The following DCAF16 variants were observed in gnomAD, a reference collection of about 807,000 sequenced individuals.
DCAF16 encodes DDB1 and CUL4 associated factor 16, also known as DDB1- and CUL4-associated factor 16.
In DCAF16, 10 loss-of-function variants were observed where a neutral mutation model predicts 17.3. The ratio of observed to expected loss-of-function variants is 0.58; its 90% CI spans 0.36 to 0.98. The LOEUF (loss-of-function observed/expected upper bound fraction) is 0.98. Ranked by LOEUF, DCAF16 falls within the 50% of genes least tolerant of loss-of-function variation. The probability of loss-of-function intolerance (pLI) is 0.01; values close to 1 mark genes in which losing one functional copy is unlikely to be tolerated. For missense variants in DCAF16, 249 were observed against 247.6 expected (o/e 1.01, Z -0.04); for synonymous variants, 111 against 92.8 (o/e 1.20, Z -1.12).
At position 17,803,821 on chromosome 4, in the gene DCAF16, C is replaced by T; in HGVS notation, c.321G>A (p.Leu107=). The T allele has an allele frequency of 1.2e-6, 2 of 1,614,160 alleles. No individual in the cohort carries two copies. Among genetic ancestry groups the T allele is most frequent in the Non-Finnish European group, 1.7e-6 (2 of 1,180,030 alleles). ...GAGGGGGCCATTCAGGAATTGGTTC[C>T]AGTTTGGGGACACAATGGGAACAAT... The part of the protein sequence containing the change: ...LSHCSHCVPK[L]EPIPEWPPLA... Residue 107 remains leucine (L), a synonymous_variant, in exon 3 of 3, where the codon CTG becomes CTA. Coordinates refer to ENST00000382247, the MANE Select transcript of DCAF16 (RefSeq NM_017741.4).
downstream of DCAF16, among the ~76,000 whole-genome samples, chr4:17,796,932 G>A (rs983810992): frequency 6.6e-6 from 1 of 152,110 alleles, no homozygotes; most frequent in Non-Finnish European, 1.5e-5. Flanking sequence ...TCAACTATGT[G>A]TGAGCCTTCC....
At chr4:17,797,166 T>C (rs186899220), downstream of DCAF16, among the ~76,000 whole-genome samples, 45 of 152,136 alleles carry the variant, frequency 3.0e-4, no homozygotes, top group East Asian at 4.6e-3. Context: ...AAACAACACA[T>C]ACTGGAAAGA....
At chr4:17,799,343 C>T (rs1007366682), downstream of DCAF16, among the ~76,000 whole-genome samples, 51 of 152,118 alleles carry the variant, frequency 3.4e-4, no homozygotes, top group African/African-American at 1.2e-3. Context: ...TGACCCTAGA[C>T]AGCAGAAATG....
At position 17,804,287 on chromosome 4, in the gene DCAF16, GCT is replaced by G; in HGVS notation, c.-148_-147del. 1.5e-6 allele frequency: 1 copy of G among 683,056 alleles called. No homozygotes were observed. Among genetic ancestry groups the G allele is most frequent in the Non-Finnish European group, 2.5e-6 (1 of 397,252 alleles). 42.3% of individuals were successfully genotyped at this position (683,056 alleles called of 1,614,324 possible). On this transcript the variant is annotated 5_prime_UTR_variant, in exon 3 of 3. The change abolishes the stop of an existing upstream ORF in the 5' untranslated region. Coordinates refer to ENST00000382247, the MANE Select transcript of DCAF16 (RefSeq NM_017741.4). The stretch of plus-strand genomic sequence containing the variant: ...TCAGTCCGTTACACACATAAAGTAT[GCT>G]TGTGGCCCATACCACTGTGCCGTTC...
At chr4:17,799,311 T>C (rs1265386750), downstream of DCAF16, among the ~76,000 whole-genome samples, 1 of 152,164 alleles carries the variant, frequency 6.6e-6, no homozygotes, top group Non-Finnish European at 1.5e-5. Context: ...ACATATGGAT[T>C]AGGGTTTAGG....
intron 1 of DCAF16, among the ~76,000 whole-genome samples, chr4:17,808,541 T>C (rs1720533505): frequency 6.6e-6 from 1 of 151,892 alleles, no homozygotes; most frequent in Non-Finnish European, 1.5e-5. Context: ...TTTGAAAAAA[T>C]ATTTTCAGAT....
chr4:17,804,283 G>A lies in DCAF16; in HGVS notation c.-142C>T, dbSNP rs1720104026. 5.8e-6 allele frequency: 4 copies of A among 693,336 alleles called. No individual in the cohort carries two copies. The South Asian group carries it at 7.7e-5, about 13-fold the overall frequency. The allele number at this position is 693,336 out of a possible 1,614,324, so 42.9% of individuals were successfully genotyped here. On this transcript the variant is annotated 5_prime_UTR_variant, in exon 3 of 3. Transcript: ENST00000382247. Reference sequence around the variant, plus strand: ...TCTTTCAGTCCGTTACACACATAAAGTATGCTTGTGGCCCATACCACTGTG... The same window carrying A: ...TCTTTCAGTCCGTTACACACATAAAATATGCTTGTGGCCCATACCACTGTG...
intron 1 of DCAF16, among the ~76,000 whole-genome samples, chr4:17,808,445 T>C (rs1720525188): frequency 6.6e-6 from 1 of 152,218 alleles, no homozygotes; most frequent in Non-Finnish European, 1.5e-5. Flanking sequence ...CCCATAATTG[T>C]TTTTGTTCTG....
At chr4:17,795,280 C>T in the DCAF16 span, among the ~76,000 whole-genome samples, 17 of 152,266 alleles carry the variant, frequency 1.1e-4, no homozygotes, top group African/African-American at 3.6e-4. Flanking sequence ...TAACTTTCTC[C>T]GCTACATTTA....
rs746872223 is a variant in DCAF16, at chr4:17,803,721, G to C, written c.421C>G (p.Leu141Val). The C allele has an allele frequency of 6.2e-7, 1 of 1,614,188 alleles. No individual in the cohort carries two copies. Among genetic ancestry groups the C allele is most frequent in the Non-Finnish European group, 8.5e-7 (1 of 1,180,034 alleles). Residue 141 changes from leucine to valine, a missense_variant, in exon 3 of 3, where the codon CTA (leucine) becomes GTA (valine). Physicochemically the swap from Leu to Val is conservative, Grantham distance 32 (BLOSUM62 1). Coordinates refer to ENST00000382247, the MANE Select transcript of DCAF16 (RefSeq NM_017741.4). The stretch of plus-strand genomic sequence containing the variant: ...GTGGCAAATTGCAGTGCTCCATTTA[G>C]AGTGGCATGATCTCTAGAGAGCCGG... ...PSRLSRDHAT[L>V]NGALQFATKQ... is the part of the protein sequence containing the mutation.
intron 1 of DCAF16, among the ~76,000 whole-genome samples, chr4:17,806,107 T>C (rs943059296): frequency 7.2e-5 from 11 of 152,216 alleles, no homozygotes; most frequent in Non-Finnish European, 1.0e-4. Flanking sequence ...TTGGAAGAGA[T>C]AAAACTATTA....
intron 1 of DCAF16, among the ~76,000 whole-genome samples, chr4:17,807,508 A>C (rs1166161843): frequency 6.6e-6 from 1 of 152,222 alleles, no homozygotes; most frequent in Non-Finnish European, 1.5e-5. Context: ...TCGGAAGAAC[A>C]GTCCGGCAGC....
In DCAF16 at chr4:17,800,666, C is replaced by G. The variant is rs1305021806; in HGVS notation, c.*2825G>C. On this transcript the variant is annotated 3_prime_UTR_variant, in exon 3 of 3. Transcript: ENST00000382247. ...ATGACCATACTCTGTTCAGCATGTA[C>G]AAAGCTATTGGTTTATTCAGCTGCC... 6.6e-6 allele frequency: 1 copy of G among 152,588 alleles called. No individual in the cohort carries two copies. The highest frequency in any genetic ancestry group is 6.5e-5 in the Admixed American group (1 of 15,270). The allele number at this position is 152,588 out of a possible 1,614,324, so 9.5% of individuals were successfully genotyped here. A position where few individuals can be genotyped will look rare whatever the true frequency, so the allele number is the denominator to read the frequency against.
At position 17,803,538 on chromosome 4, in the gene DCAF16, T is replaced by C. The variant is rs374965038; in HGVS notation, c.604A>G (p.Thr202Ala). The change falls in exon 3 of 3, where the codon ACT (threonine) becomes GCT (alanine). Residue 202 changes from threonine (T) to alanine (A), a missense_variant. Transcript: ENST00000382247. The part of the protein sequence containing the change: ...TEPINTTYSY[T>A]DFQKAVNKLL... Reference sequence around the variant, plus strand: ...TTGTTAACTGCCTTTTGGAAGTCAGTGTAAGAATAAGTAGTGTTGATGGGT... The same window carrying C: ...TTGTTAACTGCCTTTTGGAAGTCAGCGTAAGAATAAGTAGTGTTGATGGGT... 1 of 1,614,152 alleles carries C rather than the reference T, an allele frequency of 6.2e-7. No homozygotes were observed. Among genetic ancestry groups the C allele is most frequent in the Non-Finnish European group, 8.5e-7 (1 of 1,180,002 alleles).
intron 1 of DCAF16, among the ~76,000 whole-genome samples, chr4:17,806,528 AATC>A (rs1309855849): frequency 6.6e-6 from 1 of 152,252 alleles, no homozygotes; most frequent in African/African-American, 2.4e-5. Context: ...CCTAGGAACT[AATC>A]ATGAATATGT....
At chr4:17,796,751 G>A (rs1013113158), downstream of DCAF16, among the ~76,000 whole-genome samples, 3 of 152,112 alleles carry the variant, frequency 2.0e-5, no homozygotes, top group Non-Finnish European at 4.4e-5. Context: ...TGTTGAGACA[G>A]CATTTAAAAA....
chr4:17,796,067 T>C (rs1719412300), downstream of DCAF16, among the ~76,000 whole-genome samples: 1 of 152,222 alleles, frequency 6.6e-6, no homozygotes, highest in African/African-American at 2.4e-5. Context: ...ATCCTCCCCC[T>C]GTCCTCAGTT....
rs951382474 is a variant in DCAF16, at chr4:17,801,356, T to G, written c.*2135A>C. The G allele has an allele frequency of 5.3e-5, 8 of 152,200 alleles. 1 individual carries two copies. The highest frequency in any genetic ancestry group is 1.7e-4 in the African/African-American group (7 of 41,444). The allele number at this position is 152,200 out of a possible 1,614,324, so 9.4% of individuals were successfully genotyped here. Reference sequence around the variant, plus strand: ...GTTGGCCAGGCTGGTCACGAACTCCTGATCTCAAGTGATCCACCTGCCCTC... The same window carrying G: ...GTTGGCCAGGCTGGTCACGAACTCCGGATCTCAAGTGATCCACCTGCCCTC... On this transcript the variant is annotated 3_prime_UTR_variant, in exon 3 of 3. Coordinates refer to ENST00000382247, the MANE Select transcript of DCAF16 (RefSeq NM_017741.4).
chr4:17,797,178 T>C (rs546373958), downstream of DCAF16, among the ~76,000 whole-genome samples: 3 of 151,952 alleles, frequency 2.0e-5, no homozygotes, highest in African/African-American at 7.2e-5. Context: ...CTGGAAAGAG[T>C]CAAGACAGTT....
Sources: allele counts gnomAD v4.1 joint callset (sites outside exome capture counted in the v4.1 genomes callset), GRCh38; gene constraint gnomAD v4.1.1; transcripts MANE v1.5; gene names NCBI Gene and HGNC (gene_info 2026-07-23, HGNC 2026-07-21).